The following PLSCR2 variants were observed in gnomAD, a reference collection of about 807,000 sequenced individuals.
PLSCR2 encodes phospholipid scramblase 2, also known as PL scramblase 2.
PLSCR2 carries 18 observed loss-of-function variants against 25.3 expected under a neutral mutation model. The ratio of observed to expected loss-of-function variants is 0.71; its 90% CI spans 0.49 to 1.06. PLSCR2 has a LOEUF of 1.06. PLSCR2 is among the 50% of genes least tolerant of loss of function. The probability of loss-of-function intolerance (pLI) is 0.00; values close to 1 mark genes in which losing one functional copy is unlikely to be tolerated. For missense variants in PLSCR2, 243 were observed against 269.5 expected, an observed-to-expected ratio of 0.90 and a Z score of 0.69; for synonymous variants, 88 against 87.3, an observed-to-expected ratio of 1.01 and a Z score of -0.04.
At chr3:146,412,792 G>A (rs1559975900) in intron 2 of PLSCR2, among the ~76,000 whole-genome samples, 1 of 152,022 alleles carries the variant, frequency 6.6e-6, no homozygotes, top group Admixed American at 6.6e-5. Flanking sequence ...CACAGTCTAA[G>A]CTAATTCTGA....
intron 1 of PLSCR2, among the ~76,000 whole-genome samples, chr3:146,466,795 T>G (rs1470696660): frequency 6.6e-6 from 1 of 152,214 alleles, no homozygotes; most frequent in African/African-American, 2.4e-5. Flanking sequence ...ATGATTCATG[T>G]CCATTGCATT....
At chr3:146,485,772 G>T (rs906306327) in intron 1 of PLSCR2, among the ~76,000 whole-genome samples, 1 of 152,086 alleles carries the variant, frequency 6.6e-6, no homozygotes, top group African/African-American at 2.4e-5. Context: ...ATTTATAAAA[G>T]AGGTTTAATT....
At chr3:146,489,322 T>G (rs1287393794) in intron 1 of PLSCR2, among the ~76,000 whole-genome samples, 2 of 152,036 alleles carry the variant, frequency 1.3e-5, no homozygotes, top group Admixed American at 1.3e-4. Context: ...GAACTTAAAA[T>G]AAAATAAAAT....
At chr3:146,440,874 T>C (rs2040200111), downstream of PLSCR2, among the ~76,000 whole-genome samples, 1 of 152,240 alleles carries the variant, frequency 6.6e-6, no homozygotes, top group African/African-American at 2.4e-5. Flanking sequence ...TAATGAAGTA[T>C]GCTTTGTAAA....
intron 1 of PLSCR2, among the ~76,000 whole-genome samples, chr3:146,486,187 T>C (rs1358073673): frequency 6.6e-6 from 1 of 152,154 alleles, no homozygotes; most frequent in Non-Finnish European, 1.5e-5. Flanking sequence ...GGGAAATTTA[T>C]AGCACTAAAT....
chr3:146,455,546 G>A, intron 3 of PLSCR2, 87 bp from the exon 4 acceptor site: 1 of 771,308 alleles, frequency 1.3e-6, no homozygotes. Context: ...TTTAGATGAT[G>A]CTCCAAGTAT....
chr3:146,451,107 C>CTTTTTTTTTTT (rs58373001), intron 5 of PLSCR2, among the ~76,000 whole-genome samples: 1 of 79,482 alleles, frequency 1.3e-5, no homozygotes, highest in Admixed American at 1.8e-4. Context: ...ATTAAGTTTT[C>CTTTTTTTTTTT]TTTTTTTTTT....
intron 2 of PLSCR2, among the ~76,000 whole-genome samples, chr3:146,419,823 C>T (rs1441192807): frequency 5.3e-5 from 8 of 152,092 alleles, no homozygotes; most frequent in African/African-American, 1.2e-4. Context: ...GTGATTATAT[C>T]GAGGCCTCAT....
intron 2 of PLSCR2, chr3:146,398,764 G>A (rs1293294599): frequency 6.6e-6 from 1 of 152,040 alleles, no homozygotes; most frequent in Non-Finnish European, 1.5e-5. Context: ...GGCAAGAATG[G>A]GTGAAAGTAT....
intron 2 of PLSCR2, among the ~76,000 whole-genome samples, chr3:146,407,098 A>C (rs1287446480): frequency 6.6e-6 from 1 of 152,192 alleles, no homozygotes; most frequent in Non-Finnish European, 1.5e-5. Flanking sequence ...AAGGAGACTT[A>C]CCTAATTTTC....
At chr3:146,458,373 C>T in intron 3 of PLSCR2, 38 bp downstream of exon 3, 1 of 1,456,688 alleles carries the variant, frequency 6.9e-7, no homozygotes, top group Non-Finnish European at 9.2e-7. Context: ...TAAACTTCTT[C>T]TCTTTTTAGA....
chr3:146,399,489 G>GTAA (rs2038386433), intron 2 of PLSCR2, among the ~76,000 whole-genome samples: 1 of 151,730 alleles, frequency 6.6e-6, no homozygotes, highest in African/African-American at 2.4e-5. Context: ...CTGTATTTAT[G>GTAA]TAATACATTA....
At chr3:146,447,320 G>A (rs1479723807) in intron 6 of PLSCR2, among the ~76,000 whole-genome samples, 1 of 152,206 alleles carries the variant, frequency 6.6e-6, no homozygotes. Context: ...AAGCAAGCAT[G>A]TCTCAAGAGT....
chr3:146,457,158 T>C (rs1576673291), intron 3 of PLSCR2, among the ~76,000 whole-genome samples: 1 of 152,356 alleles, frequency 6.6e-6, no homozygotes, highest in East Asian at 1.9e-4. Flanking sequence ...TTGTATATGT[T>C]AATGAAATTC....
chr3:146,435,841 C>T (rs560225913), intron 8 of PLSCR2, among the ~76,000 whole-genome samples: 28 of 152,234 alleles, frequency 1.8e-4, no homozygotes, highest in African/African-American at 6.5e-4. Context: ...TCATGAAGTA[C>T]TTGCCCATGC....
rs1048614254 is a variant in PLSCR2 at position 146,459,802 on chromosome 3, A to G, written c.57+46T>C. On this transcript the variant is annotated intron_variant, in intron 2 of 6. Transcript: ENST00000610787. ...AATTACTATGGTTCATAAACCAGAAAGAGAGTTTTTTTTTTTTTCTGAGTA... is the reference window on the plus strand; with the variant it reads ...AATTACTATGGTTCATAAACCAGAAGGAGAGTTTTTTTTTTTTTCTGAGTA... The G allele has an allele frequency of 3.8e-6, 5 of 1,320,252 alleles. No homozygotes were observed. The African/African-American group carries it at 4.5e-5, about 12-fold the overall frequency. The allele number at this position is 1,320,252 out of a possible 1,614,324, so 81.8% of individuals were successfully genotyped here. A position where few individuals can be genotyped will look rare whatever the true frequency, so the allele number is the denominator to read the frequency against.
At chr3:146,411,648 T>C (rs1332683611) in intron 2 of PLSCR2, among the ~76,000 whole-genome samples, 1 of 152,146 alleles carries the variant, frequency 6.6e-6, no homozygotes, top group Non-Finnish European at 1.5e-5. Flanking sequence ...CACTTTGAGA[T>C]GAATTGAGAG....
intron 3 of PLSCR2, among the ~76,000 whole-genome samples, chr3:146,392,381 A>T (rs973587353): frequency 6.6e-6 from 1 of 152,114 alleles, no homozygotes; most frequent in Non-Finnish European, 1.5e-5. Flanking sequence ...TTAATACATG[A>T]TAAACAAAAA....
intron 1 of PLSCR2, among the ~76,000 whole-genome samples, chr3:146,487,395 A>G (rs1472329563): frequency 6.6e-6 from 1 of 152,194 alleles, no homozygotes; most frequent in Non-Finnish European, 1.5e-5. Flanking sequence ...TGCAAATGAC[A>G]TGATCCTATA....
Sources: allele counts gnomAD v4.1 joint callset (sites outside exome capture counted in the v4.1 genomes callset), GRCh38; gene constraint gnomAD v4.1.1; transcripts MANE v1.5; gene names NCBI Gene and HGNC (gene_info 2026-07-23, HGNC 2026-07-21).